Variants in PNPLA1 observed in about 807,000 individuals in gnomAD.
PNPLA1 encodes the protein omega-hydroxyceramide transacylase.
Under a neutral mutation model 51.7 loss-of-function variants are expected in PNPLA1, and 36 were observed. The ratio of observed to expected loss-of-function variants is 0.70; its 90% confidence interval spans 0.53 to 0.92. PNPLA1 has a LOEUF of 0.92. PNPLA1 is among the 40% of genes least tolerant of loss of function. The pLI is 0.00. For missense variants in PNPLA1, 658 were observed against 682.5 expected (o/e 0.96, Z 0.40); for synonymous variants, 293 against 280.1 (o/e 1.05, Z -0.46).
rs1439155449 is a variant in PNPLA1 at position 36,313,954 on chromosome 6, C to T, written c.*2068C>T. On this transcript the variant is annotated 3_prime_UTR_variant, in exon 9 of 9. Coordinates refer to ENST00000636260, the MANE Select transcript of PNPLA1 (RefSeq NM_001374623.1). ...ATACATCCTCTTGCATACTTCCCTT[C>T]ACTTGGTTTAATTATTTTTCTTGTT... Among the ~76,000 whole-genome samples, 5 of 152,192 alleles carry T rather than the reference C, an allele frequency of 3.3e-5. No homozygotes were observed. Among genetic ancestry groups the T allele is most frequent in the African/African-American group, 1.2e-4 (5 of 41,430 alleles).
intron 1 of PNPLA1, among the ~76,000 whole-genome samples, chr6:36,246,698 G>A (rs1769293650): frequency 6.6e-6 from 1 of 152,100 alleles, no homozygotes; most frequent in Non-Finnish European, 1.5e-5. Flanking sequence ...ACTCACAATT[G>A]CACAATTCGA....
rs536953107 is a variant in PNPLA1, at chr6:36,302,432, G to A, written c.1347G>A (p.Gln449=). Residue 449 remains glutamine (Q), a synonymous_variant, in exon 6 of 9, where the codon CAG becomes CAA. Coordinates refer to ENST00000636260, the MANE Select transcript of PNPLA1 (RefSeq NM_001374623.1). ...GTTCTCTTTCAGCCTTCCCTGCTCA[G>A]CCACCTGTGGAGGAACTAGGCCAAG... ...PRSSLSAFPA[Q]PPVEELGQEQ... 6.4e-7 allele frequency: 1 copy of A among 1,561,448 alleles called. No homozygotes were observed. The highest frequency in any genetic ancestry group is 1.4e-5 in the African/African-American group (1 of 73,898).
At chr6:36,292,411 C>T (rs751524110) in intron 2 of PNPLA1, among the ~76,000 whole-genome samples, 1 of 152,152 alleles carries the variant, frequency 6.6e-6, no homozygotes, top group African/African-American at 2.4e-5. Context: ...CCCTCTCCCC[C>T]ACCTTCCACT....
intron 4 of PNPLA1, among the ~76,000 whole-genome samples, 166 bp from the exon 5 acceptor site, chr6:36,295,198 G>C (rs544940153): frequency 1.3e-5 from 2 of 152,190 alleles, no homozygotes; most frequent in Non-Finnish European, 2.9e-5. Context: ...ATTGCTCCTC[G>C]GTTCTTCTTA....
At chr6:36,264,317 A>G (rs977559295) in intron 1 of PNPLA1, among the ~76,000 whole-genome samples, 1 of 152,244 alleles carries the variant, frequency 6.6e-6, no homozygotes, top group Non-Finnish European at 1.5e-5. Context: ...AGAATGATAC[A>G]TGTTGTCCCA....
At chr6:36,301,810 G>C (rs769812955) in intron 5 of PNPLA1, 51 bp from the exon 6 acceptor site, 3 of 1,567,260 alleles carry the variant, frequency 1.9e-6, no homozygotes, top group Non-Finnish European at 2.6e-6. Context: ...TTTTGCAAAG[G>C]CCATGCTGCT....
intron 6 of PNPLA1, among the ~76,000 whole-genome samples, chr6:36,302,929 T>C (rs1771113971): frequency 6.6e-6 from 1 of 152,154 alleles, no homozygotes; most frequent in African/African-American, 2.4e-5. Flanking sequence ...AACCCAGCCC[T>C]CAACTGTGTG....
At chr6:36,282,014 ACT>A (rs1404787103) in intron 1 of PNPLA1, among the ~76,000 whole-genome samples, 1 of 148,226 alleles carries the variant, frequency 6.7e-6, no homozygotes, top group Non-Finnish European at 1.5e-5. Flanking sequence ...TAAAAGTGAA[ACT>A]CTGTGAAAGA....
At position 36,270,437 on chromosome 6, in the gene PNPLA1, G is replaced by A. The variant is rs1245867344; in HGVS notation, c.-23G>A. On this transcript the variant is annotated 5_prime_UTR_variant, in exon 1 of 9. Coordinates refer to ENST00000636260, the MANE Select transcript of PNPLA1 (RefSeq NM_001374623.1). ...GTGCTGAAGGGTGGCTCCGCCTTCC[G>A]CAGAAAGTCAGAGGCCGAGGAGATG... The A allele has an allele frequency of 1.0e-5, 16 of 1,550,162 alleles. No homozygotes were observed. In the East Asian group the frequency reaches 2.7e-4, roughly 26 times the overall value.
At chr6:36,300,178 T>TGTGTGTGTGTGTGTGTGTGTGTGTGA in intron 5 of PNPLA1, among the ~76,000 whole-genome samples, 1 of 98,142 alleles carries the variant, frequency 1.0e-5, no homozygotes, top group African/African-American at 3.3e-5. Flanking sequence ...TGTGTGTGTG[T>TGTGTGTGTGTGTGTGTGTGTGTGTGA]GAGAGAGAGA....
intron 1 of PNPLA1, among the ~76,000 whole-genome samples, chr6:36,258,854 T>C (rs1480970798): frequency 6.6e-6 from 1 of 152,234 alleles, no homozygotes; most frequent in Non-Finnish European, 1.5e-5. Flanking sequence ...ATTGTCGCTC[T>C]CCAAGTGCTT....
chr6:36,310,842 T>C (rs1771391930), intron 8 of PNPLA1, among the ~76,000 whole-genome samples: 1 of 152,174 alleles, frequency 6.6e-6, no homozygotes, highest in Admixed American at 6.5e-5. Context: ...TTTCTCTCTA[T>C]AACATTCACC....
chr6:36,307,880 T>A (rs1771291997), intron 8 of PNPLA1, 168 bp downstream of exon 8: 2 of 823,018 alleles, frequency 2.4e-6, no homozygotes, highest in Non-Finnish European at 3.5e-6. Context: ...CTGCCACAGC[T>A]CCACTCAGGG....
intron 1 of PNPLA1, among the ~76,000 whole-genome samples, chr6:36,271,307 C>T (rs1334500967): frequency 1.3e-5 from 2 of 152,156 alleles, no homozygotes; most frequent in East Asian, 1.9e-4. Flanking sequence ...GAGAGAGAAA[C>T]ACTGTCCCGG....
Position 36,302,058 on chromosome 6 carries a change from G to A in PNPLA1, c.973G>A (p.Gly325Ser). 4 of 1,614,218 alleles carry A rather than the reference G, an allele frequency of 2.5e-6. No homozygotes were observed. The highest frequency in any genetic ancestry group is 1.3e-5 in the African/African-American group (1 of 75,056). The change falls in exon 6 of 9, where the codon GGT (glycine) becomes AGT (serine). Residue 325 changes from glycine (G) to serine (S), a missense_variant. Physicochemically the swap from Gly to Ser is moderately conservative, Grantham distance 56. Coordinates refer to ENST00000636260, the MANE Select transcript of PNPLA1 (RefSeq NM_001374623.1). ...VPKGDGRGSHGPPVSQPVQTL... is the reference protein window; with the variant it reads ...VPKGDGRGSHSPPVSQPVQTL... ...CAAAGGGGATGGAAGGGGCAGCCAT[G>A]GTCCGCCTGTGTCCCAACCTGTGCA...
At chr6:36,289,484 C>G (rs185483187) in intron 1 of PNPLA1, among the ~76,000 whole-genome samples, 1 of 152,254 alleles carries the variant, frequency 6.6e-6, no homozygotes, top group Non-Finnish European at 1.5e-5. Context: ...GTAAGGCTAA[C>G]CTCACTAAAA....
chr6:36,251,254 TTCTC>T (rs1183090740), intron 1 of PNPLA1, among the ~76,000 whole-genome samples: 1 of 152,200 alleles, frequency 6.6e-6, no homozygotes. Context: ...GACAGGCTCT[TTCTC>T]TGTCATCCAG....
Position 36,302,190 on chromosome 6 carries a change from A to G in PNPLA1, c.1105A>G (p.Met369Val). The change falls in exon 6 of 9, where the codon ATG (methionine) becomes GTG (valine). Residue 369 changes from methionine (M) to valine (V), a missense_variant. Physicochemically the swap from Met to Val is conservative, Grantham distance 21. Coordinates refer to ENST00000636260, the MANE Select transcript of PNPLA1 (RefSeq NM_001374623.1). ...ASSTPLSLSGMPPVSFPAVHK... is the reference protein window; with the variant it reads ...ASSTPLSLSGVPPVSFPAVHK... ...TTCAACTCCACTTTCTCTAAGTGGC[A>G]TGCCACCTGTATCATTCCCAGCTGT... 1 of 1,614,190 alleles carries G rather than the reference A, an allele frequency of 6.2e-7. No individual in the cohort carries two copies. Among genetic ancestry groups the G allele is most frequent in the Non-Finnish European group, 8.5e-7 (1 of 1,180,032 alleles).
chr6:36,253,965 T>C (rs1769476210), intron 1 of PNPLA1, among the ~76,000 whole-genome samples: 1 of 152,116 alleles, frequency 6.6e-6, no homozygotes, highest in Admixed American at 6.5e-5. Flanking sequence ...TTCCTTACAG[T>C]CAGGGTATGC....
Sources: allele counts gnomAD v4.1 joint callset (sites outside exome capture counted in the v4.1 genomes callset), GRCh38; gene constraint gnomAD v4.1.1; transcripts MANE v1.5; gene names NCBI Gene and HGNC (gene_info 2026-07-23, HGNC 2026-07-21).